The following CTNNA1 variants were observed in gnomAD, a reference collection of about 807,000 sequenced individuals.
The protein encoded by CTNNA1 is catenin alpha-1.
A neutral mutation model predicts 98.4 loss-of-function variants in CTNNA1; 37 were observed. The ratio of observed to expected loss-of-function variants is 0.38; its 90% CI spans 0.29 to 0.49. CTNNA1 has a LOEUF of 0.49. Ranked by LOEUF, CTNNA1 falls within the 20% of genes least tolerant of loss-of-function variation. The pLI is 0.95. For synonymous variants in CTNNA1, 404 were observed against 413.2 expected, an observed-to-expected ratio of 0.98 and a Z score of 0.27; for missense variants, 761 against 1,147.2, an observed-to-expected ratio of 0.66 and a Z score of 4.86.
intron 7 of CTNNA1, chr5:138,881,099 T>G (rs1279726880): frequency 2.2e-6 from 1 of 456,312 alleles, no homozygotes; most frequent in Non-Finnish European, 4.4e-6. Context: ...TATTGCACAT[T>G]GCTGAAAGGG....
At chr5:138,914,067 T>G (rs890245015) in intron 10 of CTNNA1, among the ~76,000 whole-genome samples, 4 of 152,234 alleles carry the variant, frequency 2.6e-5, no homozygotes, top group Admixed American at 2.0e-4. Flanking sequence ...AAATGAGTAT[T>G]TAATATTATC....
chr5:138,868,531 A>G (rs144767417), intron 7 of CTNNA1, among the ~76,000 whole-genome samples: 67 of 152,236 alleles, frequency 4.4e-4, no homozygotes, highest in African/African-American at 1.4e-3. Context: ...GATACAGGCA[A>G]TTGGTACCTT....
At chr5:138,843,167 T>C (rs1243198761) in intron 7 of CTNNA1, among the ~76,000 whole-genome samples, 2 of 152,188 alleles carry the variant, frequency 1.3e-5, no homozygotes, top group East Asian at 3.8e-4. Context: ...ATGATTTGTT[T>C]AAAAACATTC....
intron 1 of CTNNA1, among the ~76,000 whole-genome samples, chr5:138,764,868 C>T (rs1467041649): frequency 3.5e-5 from 3 of 84,924 alleles, no homozygotes; most frequent in Admixed American, 1.7e-4. Flanking sequence ...GTATCTCTCT[C>T]TTTTTTTTTT....
chr5:138,780,778 A>G (rs996913901), intron 1 of CTNNA1, among the ~76,000 whole-genome samples: 11 of 152,172 alleles, frequency 7.2e-5, no homozygotes, highest in African/African-American at 2.7e-4. Flanking sequence ...GGCTTCCCAA[A>G]GTGCTGGGAT....
chr5:138,781,830 C>A, intron 1 of CTNNA1, 93 bp from the exon 2 acceptor site: 1 of 1,196,834 alleles, frequency 8.4e-7, no homozygotes. Flanking sequence ...TATAGCTTTC[C>A]TGATGCAAAA....
At chr5:138,903,284 TC>T (rs1297884749) in intron 9 of CTNNA1, among the ~76,000 whole-genome samples, 1 of 152,214 alleles carries the variant, frequency 6.6e-6, no homozygotes, top group Non-Finnish European at 1.5e-5. Context: ...GTATAATTTT[TC>T]TGATGTGTTT....
At chr5:138,786,154 A>G (rs1023623649) in intron 3 of CTNNA1, among the ~76,000 whole-genome samples, 2 of 152,188 alleles carry the variant, frequency 1.3e-5, no homozygotes, top group Non-Finnish European at 2.9e-5. Context: ...ATTTATTATC[A>G]TGACCTGTCC....
intron 17 of CTNNA1, among the ~76,000 whole-genome samples, chr5:138,933,198 A>T (rs1274955808): frequency 6.6e-6 from 1 of 152,184 alleles, no homozygotes; most frequent in Non-Finnish European, 1.5e-5. Context: ...AATTAAGAGT[A>T]GACATAGATA....
intron 7 of CTNNA1, among the ~76,000 whole-genome samples, chr5:138,833,175 G>C (rs1000399929): frequency 4.6e-5 from 7 of 152,044 alleles, no homozygotes; most frequent in African/African-American, 1.7e-4. Context: ...AAACATAAAG[G>C]ACCCTCAGTC....
chr5:138,781,317 G>C (rs1755079239), intron 1 of CTNNA1, among the ~76,000 whole-genome samples: 1 of 152,166 alleles, frequency 6.6e-6, no homozygotes, highest in Admixed American at 6.5e-5. Flanking sequence ...TTGGGAGGCC[G>C]AGGCAGGTGG....
At chr5:138,887,748 T>G in intron 9 of CTNNA1, 106 bp downstream of exon 9, 2 of 885,634 alleles carry the variant, frequency 2.3e-6, no homozygotes, top group Non-Finnish European at 3.5e-6. Context: ...TCGCTTAACA[T>G]ACAACATGTC....
At chr5:138,851,196 A>G (rs1425783430) in intron 7 of CTNNA1, among the ~76,000 whole-genome samples, 1 of 152,206 alleles carries the variant, frequency 6.6e-6, no homozygotes, top group African/African-American at 2.4e-5. Flanking sequence ...GAGAATGCAC[A>G]CTGCCTTTGT....
intron 11 of CTNNA1, among the ~76,000 whole-genome samples, chr5:138,920,601 G>A (rs762806004): frequency 1.4e-4 from 21 of 152,350 alleles, no homozygotes; most frequent in Admixed American, 3.3e-4. Flanking sequence ...TGACTTCTTG[G>A]AGTGGTTGTT....
At chr5:138,800,991 A>T (rs531915929) in intron 3 of CTNNA1, among the ~76,000 whole-genome samples, 2 of 152,200 alleles carry the variant, frequency 1.3e-5, no homozygotes, top group African/African-American at 4.8e-5. Flanking sequence ...GTGTTTCTCA[A>T]TGTTTTGAGT....
chr5:138,853,110 T>C (rs1763394519), intron 7 of CTNNA1, among the ~76,000 whole-genome samples: 2 of 152,196 alleles, frequency 1.3e-5, no homozygotes, highest in South Asian at 4.1e-4. Context: ...TGTTTTAATT[T>C]TGCTGATCTG....
intron 10 of CTNNA1, among the ~76,000 whole-genome samples, chr5:138,914,820 G>A (rs1311362744): frequency 1.3e-5 from 2 of 152,114 alleles, no homozygotes; most frequent in Admixed American, 1.3e-4. Context: ...GTTTCCTCTT[G>A]TCTTTGCTTC....
intron 7 of CTNNA1, among the ~76,000 whole-genome samples, chr5:138,885,745 G>C (rs1177308886): frequency 6.6e-6 from 1 of 152,066 alleles, no homozygotes; most frequent in East Asian, 1.9e-4. Context: ...GTACATCTTA[G>C]TTTTTAAATT....
chr5:138,778,614 A>G (rs1271024104), intron 1 of CTNNA1, among the ~76,000 whole-genome samples: 1 of 152,206 alleles, frequency 6.6e-6, no homozygotes, highest in Non-Finnish European at 1.5e-5. Context: ...TGAGAAACTG[A>G]ATGCTAATCT....
Sources: gnomAD v4.1 joint callset for allele counts (sites outside exome capture counted in the v4.1 genomes callset) on GRCh38, gnomAD v4.1.1 for gene constraint, MANE v1.5 for transcripts, NCBI Gene and HGNC (gene_info 2026-07-23, HGNC 2026-07-21) for gene names.